Variants in BANK1 observed in about 807,000 individuals in gnomAD.
The protein encoded by BANK1 is B-cell scaffold protein with ankyrin repeats.
In BANK1, 95 loss-of-function variants were observed where a neutral mutation model predicts 94.5. That is an observed-to-expected ratio of 1.00 (90% CI 0.85 to 1.19). BANK1 has a LOEUF of 1.19. Ranked by LOEUF, BANK1 falls within the 50% of genes most tolerant of loss-of-function variation. BANK1 has a pLI of 0.00. For missense variants in BANK1, 987 were observed against 932.2 expected (o/e 1.06, Z -0.77); for synonymous variants, 334 against 308.4 (o/e 1.08, Z -0.87).
intron 11 of BANK1, among the ~76,000 whole-genome samples, chr4:102,050,294 C>T (rs760594485): frequency 1.3e-5 from 2 of 152,094 alleles, no homozygotes; most frequent in Non-Finnish European, 2.9e-5. Context: ...GCTAACAAAA[C>T]CATGTCTTTG....
chr4:101,811,034 A>G (rs1725717212), intron 1 of BANK1, among the ~76,000 whole-genome samples: 1 of 152,124 alleles, frequency 6.6e-6, no homozygotes, highest in Non-Finnish European at 1.5e-5. Context: ...AGCTCAAGCA[A>G]CTGAAGCTCA....
chr4:101,850,489 G>T (rs1046375633), intron 2 of BANK1, among the ~76,000 whole-genome samples: 2 of 151,348 alleles, frequency 1.3e-5, no homozygotes, highest in East Asian at 3.9e-4. Flanking sequence ...CACCATGTTG[G>T]CCAGGCTGGT....
chr4:101,888,909 T>C (rs1386140064), intron 5 of BANK1, among the ~76,000 whole-genome samples: 2 of 152,174 alleles, frequency 1.3e-5, no homozygotes, highest in African/African-American at 4.8e-5. Context: ...TGCTTTCAAA[T>C]ACAGCCTCTC....
At chr4:101,826,650 A>AT (rs1726377778) in intron 1 of BANK1, among the ~76,000 whole-genome samples, 1 of 151,998 alleles carries the variant, frequency 6.6e-6, no homozygotes, top group East Asian at 1.9e-4. Context: ...GTTATTTAGC[A>AT]TCCAGGCTAG....
At chr4:101,878,991 C>T (rs561627550) in intron 5 of BANK1, among the ~76,000 whole-genome samples, 2 of 148,874 alleles carry the variant, frequency 1.3e-5, no homozygotes, top group South Asian at 2.1e-4. Flanking sequence ...GTGCCTATGT[C>T]AAAAAAAAAG....
rs1218093161 is a variant in BANK1 at position 101,918,133 on chromosome 4, C to T, written c.1150C>T (p.His384Tyr). 6.2e-7 allele frequency: 1 copy of T among 1,603,328 alleles called. No homozygotes were observed. Among genetic ancestry groups the T allele is most frequent in the Non-Finnish European group, 8.5e-7 (1 of 1,173,108 alleles). ...MKNMEGSDPA[H>Y]IAERHGHKEL... ...AAATATGGAGGGTTCAGACCCCGCA[C>T]ATATTGCTGAAAGGCATGGTCACAA... The change falls in exon 7 of 17, where the codon CAT becomes TAT. Residue 384 changes from histidine (H) to tyrosine (Y), a missense_variant. Physicochemically the swap from His to Tyr is moderately conservative, Grantham distance 83 (BLOSUM62 2). Transcript: ENST00000322953.
intron 7 of BANK1, among the ~76,000 whole-genome samples, chr4:101,957,106 A>G (rs1305115072): frequency 6.6e-6 from 1 of 152,170 alleles, no homozygotes; most frequent in East Asian, 1.9e-4. Context: ...ACCAGAACAC[A>G]TACTAATGAG....
intron 7 of BANK1, among the ~76,000 whole-genome samples, chr4:101,997,055 T>C (rs1725903143): frequency 6.6e-6 from 1 of 152,172 alleles, no homozygotes; most frequent in Non-Finnish European, 1.5e-5. Context: ...AGTATGAAAA[T>C]GGCTGTGTGT....
intron 1 of BANK1, among the ~76,000 whole-genome samples, chr4:101,798,090 C>G (rs574917302): frequency 6.6e-6 from 1 of 152,218 alleles, no homozygotes; most frequent in African/African-American, 2.4e-5. Context: ...GGCCCAAATT[C>G]TTTTGATAGG....
At chr4:101,871,407 T>C (rs1214514610) in intron 5 of BANK1, among the ~76,000 whole-genome samples, 2 of 151,968 alleles carry the variant, frequency 1.3e-5, no homozygotes, top group African/African-American at 4.8e-5. Context: ...CATAAAAACC[T>C]GTAAGGTTTT....
chr4:101,993,436 C>T (rs1202278861), intron 7 of BANK1, among the ~76,000 whole-genome samples: 1 of 152,124 alleles, frequency 6.6e-6, no homozygotes, highest in Non-Finnish European at 1.5e-5. Context: ...CAGAAAGCAA[C>T]AGCAAGAGGG....
At chr4:102,003,662 C>T (rs550208865) in intron 7 of BANK1, among the ~76,000 whole-genome samples, 16 of 151,972 alleles carry the variant, frequency 1.1e-4, no homozygotes, top group Non-Finnish European at 2.1e-4. Flanking sequence ...TCACAAAGGT[C>T]CACCCTTTCT....
chr4:101,870,726 A>G (rs1349661329), intron 5 of BANK1, 82 bp downstream of exon 5: 1 of 1,460,654 alleles, frequency 6.8e-7, no homozygotes, highest in African/African-American at 1.4e-5. Flanking sequence ...CTTTGGTATA[A>G]GTTTGAATGT....
At chr4:101,964,369 C>A (rs1051375690) in intron 7 of BANK1, among the ~76,000 whole-genome samples, 2 of 151,868 alleles carry the variant, frequency 1.3e-5, no homozygotes, top group African/African-American at 4.8e-5. Context: ...ATGCACCATC[C>A]CACAGCCCCA....
intron 7 of BANK1, among the ~76,000 whole-genome samples, chr4:102,003,217 T>C (rs574032484): frequency 6.6e-5 from 10 of 152,348 alleles, no homozygotes; most frequent in African/African-American, 2.4e-4. Context: ...TAGTTGTATG[T>C]ATTGCCCAGG....
At chr4:102,041,927 CA>C (rs1727716005) in intron 10 of BANK1, among the ~76,000 whole-genome samples, 1 of 151,932 alleles carries the variant, frequency 6.6e-6, no homozygotes, top group African/African-American at 2.4e-5. Flanking sequence ...AAATTAATGC[CA>C]AAAAGCTGGA....
At chr4:101,867,334 G>A (rs1005574434) in intron 4 of BANK1, among the ~76,000 whole-genome samples, 3 of 151,906 alleles carry the variant, frequency 2.0e-5, no homozygotes, top group Non-Finnish European at 4.4e-5. Flanking sequence ...ATAGAATGAA[G>A]TAGAAATAAG....
At chr4:101,936,154 CAAG>C (rs930214260) in intron 7 of BANK1, among the ~76,000 whole-genome samples, 70 of 150,012 alleles carry the variant, frequency 4.7e-4, no homozygotes, top group African/African-American at 1.7e-3. Context: ...GCTCATCTGA[CAAG>C]AGACTTATAA....
rs150916739 is a variant in BANK1 at position 101,796,221 on chromosome 4, C to T, written c.70+5271C>T. On this transcript the variant is annotated intron_variant, in intron 1 of 16. Coordinates refer to ENST00000322953, the MANE Select transcript of BANK1 (RefSeq NM_017935.5). ...AGTCTCAATTTCTGATTTCTAGTGACGGAGCAGCTGCACTTGTTTTTCTGA... is the reference window on the plus strand; with the variant it reads ...AGTCTCAATTTCTGATTTCTAGTGATGGAGCAGCTGCACTTGTTTTTCTGA... Among the ~76,000 whole-genome samples the T allele has an allele frequency of 2.2e-4, 33 of 152,208 alleles. No homozygotes were observed. In the East Asian group the frequency reaches 2.9e-3, roughly 13 times the overall value.
Sources: gnomAD v4.1 joint callset for allele counts (sites outside exome capture counted in the v4.1 genomes callset) on GRCh38, gnomAD v4.1.1 for gene constraint, MANE v1.5 for transcripts, NCBI Gene and HGNC (gene_info 2026-07-23, HGNC 2026-07-21) for gene names.